Variants in VPS8 observed in about 807,000 individuals in gnomAD.
VPS8 encodes the protein vacuolar protein sorting-associated protein 8 homolog.
Under a neutral mutation model 216.4 loss-of-function variants are expected in VPS8, and 129 were observed. The ratio of observed to expected loss-of-function variants is 0.60; its 90% CI spans 0.52 to 0.69. The LOEUF (loss-of-function observed/expected upper bound fraction) is 0.69, where lower values mean the gene tolerates loss of function less well. Among genes scored for constraint, VPS8 ranks in the 30% least tolerant of loss-of-function variants. VPS8 has a pLI of 0.00. For synonymous variants in VPS8, 571 were observed against 565.4 expected (o/e 1.01, Z -0.14); for missense variants, 1,531 against 1,683.5 (o/e 0.91, Z 1.59).
Position 184,870,812 on chromosome 3 carries a change from A to C in VPS8, c.1734+7A>C, listed in dbSNP as rs1728194703. 1 of 1,607,868 alleles carries C rather than the reference A, an allele frequency of 6.2e-7. No individual in the cohort carries two copies. The highest frequency in any genetic ancestry group is 1.1e-5 in the South Asian group (1 of 89,976). On this transcript the variant is annotated splice_region_variant and intron_variant, in intron 21 of 47. Coordinates refer to ENST00000625842, the MANE Select transcript of VPS8 (RefSeq NM_001009921.3). ...GATGGAGCAGCATTTTCAGGTACAC[A>C]TTGCATGTGCTTCCAGTAGACGATG...
At position 184,865,914 on chromosome 3, in the gene VPS8, G is replaced by A. The variant is rs554201019; in HGVS notation, c.1396-962G>A. 9.2e-5 allele frequency among the ~76,000 whole-genome samples: 14 copies of A among 152,068 alleles called. 1 individual carries two copies. In the East Asian group the frequency reaches 2.7e-3, roughly 29 times the overall value. On this transcript the variant is annotated intron_variant, in intron 16 of 47. Coordinates refer to ENST00000625842, the MANE Select transcript of VPS8 (RefSeq NM_001009921.3). ...GAGGCAGGAGAATCGCTTGAACCCAGGAGGCAGAGGTTGCAGTGAGCCGAG... is the reference window on the plus strand; with the variant it reads ...GAGGCAGGAGAATCGCTTGAACCCAAGAGGCAGAGGTTGCAGTGAGCCGAG...
intron 29 of VPS8, among the ~76,000 whole-genome samples, chr3:184,920,474 G>A (rs914923265): frequency 1.3e-5 from 2 of 152,200 alleles, no homozygotes; most frequent in African/African-American, 2.4e-5. Flanking sequence ...GTATGATTAC[G>A]TGTAATAATA....
intron 25 of VPS8, among the ~76,000 whole-genome samples, chr3:184,905,588 G>T (rs913712760): frequency 6.9e-6 from 1 of 145,712 alleles, no homozygotes; most frequent in Non-Finnish European, 1.5e-5. Flanking sequence ...AGTTCTTTGG[G>T]TTAGAAGCTC....
chr3:184,991,635 T>C (rs867092561), intron 42 of VPS8, among the ~76,000 whole-genome samples: 11 of 152,192 alleles, frequency 7.2e-5, no homozygotes, highest in African/African-American at 2.2e-4. Flanking sequence ...ATCCACATAT[T>C]ATAGTAAATA....
intron 47 of VPS8, 135 bp from the exon 48 acceptor site, chr3:185,051,741 C>G: frequency 8.9e-7 from 1 of 1,117,408 alleles, no homozygotes; most frequent in Non-Finnish European, 1.2e-6. Context: ...ATATATGGAC[C>G]TAAGATTCAA....
chr3:184,839,984 A>G (rs534327643), intron 7 of VPS8: 19 of 1,101,074 alleles, frequency 1.7e-5, no homozygotes, highest in South Asian at 4.4e-5. Context: ...TATCATATCT[A>G]TTGATCTCTC....
chr3:185,052,186 G>A lies in VPS8; in HGVS notation c.*161G>A, dbSNP rs565327285. 2 of 664,580 alleles carry A rather than the reference G, an allele frequency of 3.0e-6. No individual in the cohort carries two copies. Among genetic ancestry groups the A allele is most frequent in the South Asian group, 4.5e-5 (2 of 44,596 alleles). 41.2% of individuals were successfully genotyped at this position (664,580 alleles called of 1,614,324 possible). On this transcript the variant is annotated 3_prime_UTR_variant, in exon 48 of 48. Transcript: ENST00000625842. ...CAGAGCGTCCACAGCACCATTCCCAGTGTAGACTCCCAGTCTTCTCCACAT... is the reference window on the plus strand; with the variant it reads ...CAGAGCGTCCACAGCACCATTCCCAATGTAGACTCCCAGTCTTCTCCACAT...
At chr3:184,932,276 G>C (rs949776371) in intron 34 of VPS8, among the ~76,000 whole-genome samples, 1 of 152,038 alleles carries the variant, frequency 6.6e-6, no homozygotes, top group Admixed American at 6.6e-5. Context: ...ATGAAAGATT[G>C]ATGCCTCGTA....
chr3:185,014,889 A>C (rs1755575646), intron 45 of VPS8, among the ~76,000 whole-genome samples: 1 of 152,202 alleles, frequency 6.6e-6, no homozygotes, highest in South Asian at 2.1e-4. Context: ...CATCACCGCA[A>C]AACACTGGAA....
intron 42 of VPS8, among the ~76,000 whole-genome samples, chr3:184,985,857 G>A (rs995268869): frequency 6.6e-6 from 1 of 152,206 alleles, no homozygotes; most frequent in Non-Finnish European, 1.5e-5. Flanking sequence ...GGAGACGAAT[G>A]TAGTAGACAC....
intron 17 of VPS8, among the ~76,000 whole-genome samples, 156 bp downstream of exon 17, chr3:184,867,106 A>G (rs1222664239): frequency 6.6e-6 from 1 of 152,112 alleles, no homozygotes; most frequent in African/African-American, 2.4e-5. Flanking sequence ...TTTTTAGTTA[A>G]TTATTTTTTT....
chr3:184,859,910 T>C, intron 14 of VPS8, 75 bp from the exon 15 acceptor site: 1 of 1,043,714 alleles, frequency 9.6e-7, no homozygotes, highest in Non-Finnish European at 1.5e-6. Flanking sequence ...ATACTCTAGG[T>C]GGAGTATAAT....
At chr3:184,850,930 CT>C (rs1458874385) in intron 10 of VPS8, among the ~76,000 whole-genome samples, 1 of 152,222 alleles carries the variant, frequency 6.6e-6, no homozygotes, top group East Asian at 1.9e-4. Flanking sequence ...GAGAGAATTT[CT>C]TCTCTTTCAG....
chr3:184,832,636 T>C, intron 3 of VPS8, 53 bp from the exon 4 acceptor site: 1 of 1,504,166 alleles, frequency 6.6e-7, no homozygotes, highest in Non-Finnish European at 9.0e-7. Context: ...GCCTGACTCA[T>C]TTCATAGAGT....
chr3:184,921,286 A>G (rs1738552384), intron 29 of VPS8, among the ~76,000 whole-genome samples: 1 of 152,218 alleles, frequency 6.6e-6, no homozygotes, highest in South Asian at 2.1e-4. Context: ...TCATAAACTC[A>G]GGGACGCAGA....
At position 184,940,367 on chromosome 3, in the gene VPS8, A is replaced by G. The variant is rs189302276; in HGVS notation, c.3035+124A>G. ...CAATTAGCTCTTAATTTTTTATATT[A>G]GTAGGAGCAACTGTTACACAGATAA... is the stretch of plus-strand genomic sequence containing the variant. On this transcript the variant is annotated intron_variant, in intron 36 of 47. Transcript: ENST00000625842. The G allele has an allele frequency of 1.4e-4, 40 of 285,856 alleles. No individual in the cohort carries two copies. In the East Asian group the frequency reaches 3.2e-3, roughly 23 times the overall value. 17.7% of individuals were successfully genotyped at this position (285,856 alleles called of 1,614,324 possible). A position where few individuals can be genotyped will look rare whatever the true frequency, so the allele number is the denominator to read the frequency against.
intron 36 of VPS8, among the ~76,000 whole-genome samples, chr3:184,950,658 A>T (rs1458769434): frequency 6.6e-6 from 1 of 152,146 alleles, no homozygotes; most frequent in African/African-American, 2.4e-5. Flanking sequence ...TTACATAGGT[A>T]TACATGTGCC....
chr3:184,879,509 G>A (rs368734928), intron 21 of VPS8, among the ~76,000 whole-genome samples: 1 of 152,150 alleles, frequency 6.6e-6, no homozygotes. Context: ...ATCCTGTAGA[G>A]AGGCATATGT....
chr3:184,886,912 C>T (rs945833512), intron 22 of VPS8, among the ~76,000 whole-genome samples: 1 of 152,126 alleles, frequency 6.6e-6, no homozygotes, highest in Non-Finnish European at 1.5e-5. Flanking sequence ...ATCACTAGAA[C>T]ATAGTATTTT....
Sources: gnomAD v4.1 joint callset for allele counts (sites outside exome capture counted in the v4.1 genomes callset) on GRCh38, gnomAD v4.1.1 for gene constraint, MANE v1.5 for transcripts, NCBI Gene and HGNC (gene_info 2026-07-23, HGNC 2026-07-21) for gene names.